The following LRRC7 variants were observed in gnomAD, a reference collection of about 807,000 sequenced individuals.
LRRC7 encodes the protein leucine-rich repeat-containing protein 7.
LRRC7 carries 23 observed loss-of-function variants against 175.7 expected under a neutral mutation model. The ratio of observed to expected loss-of-function variants is 0.13; its 90% CI spans 0.09 to 0.19. LRRC7 has a LOEUF of 0.19. LRRC7 is among the 10% of genes least tolerant of loss of function. The probability of loss-of-function intolerance (pLI) is 1.00; values close to 1 mark genes in which losing one functional copy is unlikely to be tolerated. For synonymous variants in LRRC7, 685 were observed against 680.9 expected, an observed-to-expected ratio of 1.01 and a Z score of -0.09; for missense variants, 1,354 against 1,904.7, an observed-to-expected ratio of 0.71 and a Z score of 5.38.
intron 7 of LRRC7, among the ~76,000 whole-genome samples, chr1:69,880,365 G>A (rs550576628): frequency 1.3e-5 from 2 of 152,264 alleles, no homozygotes; most frequent in East Asian, 3.9e-4. Flanking sequence ...CTGAGCAAGG[G>A]GATGATCAGG....
chr1:69,635,331 T>C (rs1200763213), intron 1 of LRRC7, among the ~76,000 whole-genome samples: 2 of 152,118 alleles, frequency 1.3e-5, no homozygotes, highest in Non-Finnish European at 2.9e-5. Flanking sequence ...AAGTGATTAA[T>C]CCATAACTAC....
chr1:69,772,668 T>G (rs922322078), intron 3 of LRRC7, among the ~76,000 whole-genome samples: 18 of 152,198 alleles, frequency 1.2e-4, no homozygotes, highest in African/African-American at 4.3e-4. Flanking sequence ...TCAACTAGAC[T>G]GACAATAGTG....
intron 2 of LRRC7, among the ~76,000 whole-genome samples, chr1:69,737,259 C>A (rs1400043860): frequency 6.6e-6 from 1 of 151,988 alleles, no homozygotes; most frequent in African/African-American, 2.4e-5. Context: ...TGAATCATGC[C>A]AATGGGTTTT....
chr1:69,699,765 G>A (rs572332628), intron 2 of LRRC7, among the ~76,000 whole-genome samples: 32 of 152,280 alleles, frequency 2.1e-4, no homozygotes, highest in African/African-American at 7.2e-4. Context: ...ACTTCTGATG[G>A]ACAGGAAAAC....
At chr1:70,036,054 AC>A in intron 18 of LRRC7, 66 bp from the exon 19 acceptor site, 1 of 1,213,696 alleles carries the variant, frequency 8.2e-7, no homozygotes, top group South Asian at 1.5e-5. Flanking sequence ...AAATAAAGAT[AC>A]TGCCACTTTG....
chr1:69,717,838 GAAAA>G lies in LRRC7; in HGVS notation c.100+39363_100+39366del, dbSNP rs1169678453. Among the ~76,000 whole-genome samples the G allele has an allele frequency of 1.1e-3, 31 of 29,126 alleles. 3 individuals carry two copies. The highest frequency in any genetic ancestry group is 1.6e-3 in the African/African-American group (7 of 4,362). The allele number at this position is 29,126 out of a possible 152,430, so 19.1% of individuals were successfully genotyped here. On this transcript the variant is annotated intron_variant, in intron 2 of 26. Coordinates refer to ENST00000651989, the MANE Select transcript of LRRC7 (RefSeq NM_001370785.2). Reference sequence around the variant, plus strand: ...AGAAAGAAAGAAAGAAAGAAAGAAAGAAAAAAGAAAGAAAGGAAAGAAAGAAAGA... The same window carrying G: ...AGAAAGAAAGAAAGAAAGAAAGAAAGAAGAAAGAAAGGAAAGAAAGAAAGA...
intron 8 of LRRC7, among the ~76,000 whole-genome samples, chr1:69,956,267 A>G (rs1028503557): frequency 5.3e-5 from 8 of 151,888 alleles, no homozygotes; most frequent in African/African-American, 1.9e-4. Flanking sequence ...ATCTCTGTCC[A>G]TTAACCTATA....
At chr1:69,868,403 G>A (rs993411945) in intron 7 of LRRC7, among the ~76,000 whole-genome samples, 1 of 152,016 alleles carries the variant, frequency 6.6e-6, no homozygotes, top group African/African-American at 2.4e-5. Context: ...TTTAGGGTAA[G>A]GATAGGCTCT....
intron 3 of LRRC7, among the ~76,000 whole-genome samples, chr1:69,763,364 A>G (rs935481786): frequency 6.6e-5 from 10 of 152,096 alleles, no homozygotes; most frequent in Admixed American, 1.3e-4. Flanking sequence ...CTGACTCCTT[A>G]AAACTCTTTC....
chr1:69,865,396 G>A (rs1684804982), intron 7 of LRRC7, among the ~76,000 whole-genome samples: 1 of 149,042 alleles, frequency 6.7e-6, no homozygotes, highest in Non-Finnish European at 1.5e-5. Context: ...ACACTAATAG[G>A]CACCAGATTC....
chr1:70,058,112 T>A (rs1216520823), intron 23 of LRRC7, among the ~76,000 whole-genome samples: 1 of 151,494 alleles, frequency 6.6e-6, no homozygotes, highest in Non-Finnish European at 1.5e-5. Context: ...TGGGTTCAAG[T>A]GATTCGCGCG....
chr1:69,902,607 G>A (rs558784627), intron 7 of LRRC7, among the ~76,000 whole-genome samples: 15 of 152,054 alleles, frequency 9.9e-5, no homozygotes, highest in South Asian at 2.1e-4. Flanking sequence ...TTTCAGAGAC[G>A]TTATAAAGTG....
At chr1:69,833,114 A>AG (rs1390521071) in intron 5 of LRRC7, among the ~76,000 whole-genome samples, 1 of 151,682 alleles carries the variant, frequency 6.6e-6, no homozygotes, top group Admixed American at 6.6e-5. Flanking sequence ...TCAAAAAAAA[A>AG]AGAAGAAACG....
intron 23 of LRRC7, among the ~76,000 whole-genome samples, chr1:70,058,019 T>G (rs1315643270): frequency 6.6e-6 from 1 of 151,746 alleles, no homozygotes; most frequent in East Asian, 1.9e-4. Flanking sequence ...ACAATTTTTT[T>G]TTTTTTTTTT....
chr1:69,868,130 G>A (rs755169816), intron 7 of LRRC7, among the ~76,000 whole-genome samples: 2 of 151,976 alleles, frequency 1.3e-5, no homozygotes, highest in Non-Finnish European at 2.9e-5. Flanking sequence ...AGCCAACATG[G>A]TGGACTATAT....
At position 69,712,331 on chromosome 1, in the gene LRRC7, G is replaced by A. The variant is rs377609856; in HGVS notation, c.100+33853G>A. The stretch of plus-strand genomic sequence containing the variant: ...TTATTTAGGAAAAAAAGGGCCAGGT[G>A]CAGTGGCTACGCCTGTAATCCCAGC... On this transcript the variant is annotated intron_variant, in intron 2 of 26. Coordinates refer to ENST00000651989, the MANE Select transcript of LRRC7 (RefSeq NM_001370785.2). Among the ~76,000 whole-genome samples, 38 of 152,262 alleles carry A rather than the reference G, an allele frequency of 2.5e-4. No individual in the cohort carries two copies. In the East Asian group the frequency reaches 5.2e-3, roughly 21 times the overall value.
rs146649344 is a variant in LRRC7 at position 70,026,562 on chromosome 1, A to G, written c.1795-1609A>G. On this transcript the variant is annotated intron_variant, in intron 17 of 26. Coordinates refer to ENST00000651989, the MANE Select transcript of LRRC7 (RefSeq NM_001370785.2). ...TACATTACAAATTAAGTACCCTGGG[A>G]CTTATTTATACTACAATCTAACAAC... 7.9e-5 allele frequency among the ~76,000 whole-genome samples: 12 copies of G among 152,110 alleles called. No individual in the cohort carries two copies. The East Asian group carries it at 2.3e-3, about 29-fold the overall frequency.
At chr1:70,021,243 G>C in intron 16 of LRRC7, 114 bp downstream of exon 16, 14 of 981,248 alleles carry the variant, frequency 1.4e-5, no homozygotes, top group Non-Finnish European at 2.1e-5. Context: ...GTCTCATGGC[G>C]GTACCTTTCA....
In LRRC7 at chr1:70,036,115, T is replaced by C; in HGVS notation, c.1996-6T>C. ...TTTCCTTGTCCTGTATTATTATATC[T>C]CTCAGGATTCTTTTGTTCATCCAGC... On this transcript the variant is annotated splice_polypyrimidine_tract_variant and splice_region_variant and intron_variant, in intron 18 of 26. Coordinates refer to ENST00000651989, the MANE Select transcript of LRRC7 (RefSeq NM_001370785.2). 6.3e-7 allele frequency: 1 copy of C among 1,596,038 alleles called. No individual in the cohort carries two copies. Among genetic ancestry groups the C allele is most frequent in the Non-Finnish European group, 8.6e-7 (1 of 1,168,754 alleles).
Sources: allele counts gnomAD v4.1 joint callset (sites outside exome capture counted in the v4.1 genomes callset), GRCh38; gene constraint gnomAD v4.1.1; transcripts MANE v1.5; gene names NCBI Gene and HGNC (gene_info 2026-07-23, HGNC 2026-07-21).